ATF2: variants seen among roughly 807,000 people sequenced by gnomAD.
ATF2 encodes the protein cyclic AMP-dependent transcription factor ATF-2.
Under a neutral mutation model 60.6 loss-of-function variants are expected in ATF2, and 24 were observed. The ratio of observed to expected loss-of-function variants is 0.40; its 90% CI spans 0.29 to 0.56. The LOEUF is 0.56. Among genes scored for constraint, ATF2 ranks in the 20% least tolerant of loss-of-function variants. ATF2 has a pLI of 0.54. For synonymous variants in ATF2, 206 were observed against 215.4 expected, an observed-to-expected ratio of 0.96 and a Z score of 0.38; for missense variants, 433 against 607.7, an observed-to-expected ratio of 0.71 and a Z score of 3.02.
At chr2:175,146,126 C>A (rs912947288) in intron 2 of ATF2, among the ~76,000 whole-genome samples, 1 of 151,954 alleles carries the variant, frequency 6.6e-6, no homozygotes, top group African/African-American at 2.4e-5. Context: ...AATAGTCATG[C>A]CAAAGATATA....
At chr2:175,125,442 A>G (rs1697264529) in intron 4 of ATF2, among the ~76,000 whole-genome samples, 1 of 152,070 alleles carries the variant, frequency 6.6e-6, no homozygotes, top group Non-Finnish European at 1.5e-5. Flanking sequence ...ACTCAGGATC[A>G]AATGTTTAAT....
At chr2:175,120,228 T>G (rs1007418600) in intron 5 of ATF2, among the ~76,000 whole-genome samples, 1 of 151,496 alleles carries the variant, frequency 6.6e-6, no homozygotes. Context: ...GAGTGAACTT[T>G]CGAGGTTGTT....
At chr2:175,130,070 C>A in intron 4 of ATF2, 68 bp downstream of exon 4, 2 of 1,134,888 alleles carry the variant, frequency 1.8e-6, no homozygotes, top group Admixed American at 2.3e-5. Context: ...TTAGTGATAA[C>A]ATATTATATC....
At chr2:175,140,896 C>G (rs1484407805) in intron 2 of ATF2, among the ~76,000 whole-genome samples, 3 of 144,616 alleles carry the variant, frequency 2.1e-5, no homozygotes, top group African/African-American at 7.6e-5. Context: ...GCTCAGGAGG[C>G]TGAGGCAGGA....
chr2:175,161,828 T>C (rs150040741), intron 1 of ATF2, among the ~76,000 whole-genome samples: 1,838 of 152,182 alleles, frequency 0.012, 69 homozygotes, highest in East Asian at 0.1. Context: ...TGGCGTGATC[T>C]TGGCTCACTG....
At chr2:175,117,243 C>A (rs2105701778) in intron 7 of ATF2, among the ~76,000 whole-genome samples, 1 of 149,830 alleles carries the variant, frequency 6.7e-6, no homozygotes, top group Middle Eastern at 3.5e-3. Context: ...GAAAAAAAAA[C>A]AGAAAACAAA....
At chr2:175,167,593 G>T in intron 1 of ATF2, 1 of 474,788 alleles carries the variant, frequency 2.1e-6, no homozygotes, top group Non-Finnish European at 4.4e-6. Context: ...AATACTGGGT[G>T]GGGAGACCAG....
rs150440606 is a variant in ATF2 at position 175,141,084 on chromosome 2, T to TACACAC, written c.-43-4604_-43-4599dup. 3.0e-4 allele frequency among the ~76,000 whole-genome samples: 40 copies of TACACAC among 133,612 alleles called. 2 individuals are homozygous for TACACAC. Among genetic ancestry groups the TACACAC allele is most frequent in the African/African-American group, 8.6e-4 (31 of 35,922 alleles). 87.7% of individuals were successfully genotyped at this position (133,612 alleles called of 152,430 possible). On this transcript the variant is annotated intron_variant, in intron 2 of 13. Coordinates refer to ENST00000264110, the MANE Select transcript of ATF2 (RefSeq NM_001880.4). ...ATATATGTGTGTGTATATATATGTA[T>TACACAC]ACACACACACACACACAAATATCCT...
intron 1 of ATF2, among the ~76,000 whole-genome samples, chr2:175,157,933 A>T (rs954425661): frequency 6.6e-6 from 1 of 151,960 alleles, no homozygotes; most frequent in South Asian, 2.1e-4. Context: ...CAGAGGTTGC[A>T]GTGAGCCGAG....
chr2:175,114,377 T>A, intron 8 of ATF2: 1 of 1,252,934 alleles, frequency 8.0e-7, no homozygotes, highest in Non-Finnish European at 1.0e-6. Flanking sequence ...AGAGAGCTCT[T>A]GGGAGCTACC....
intron 10 of ATF2, among the ~76,000 whole-genome samples, chr2:175,107,299 G>C (rs1012927620): frequency 2.0e-5 from 3 of 152,146 alleles, no homozygotes; most frequent in African/African-American, 7.2e-5. Context: ...AAGAATGTGG[G>C]AACAACTGGA....
chr2:175,143,642 CACAA>C (rs1559110925), intron 2 of ATF2, among the ~76,000 whole-genome samples: 3 of 152,182 alleles, frequency 2.0e-5, no homozygotes, highest in East Asian at 1.9e-4. Context: ...TTAATACCAA[CACAA>C]ACAGTGGATA....
At chr2:175,109,290 A>C (rs778441408) in intron 10 of ATF2, among the ~76,000 whole-genome samples, 3 of 152,068 alleles carry the variant, frequency 2.0e-5, no homozygotes, top group Non-Finnish European at 4.4e-5. Flanking sequence ...TGGTATATTC[A>C]CACAATGGAA....
At chr2:175,082,377 T>C (rs1194063077) in intron 12 of ATF2, among the ~76,000 whole-genome samples, 1 of 152,150 alleles carries the variant, frequency 6.6e-6, no homozygotes, top group East Asian at 1.9e-4. Context: ...TAAGCTGTCA[T>C]TTAGGAAACA....
intron 12 of ATF2, among the ~76,000 whole-genome samples, chr2:175,085,404 G>A (rs1002163809): frequency 7.2e-5 from 11 of 152,024 alleles, no homozygotes; most frequent in African/African-American, 2.7e-4. Flanking sequence ...GTCTGGTGGC[G>A]CATGCCTGTA....
At chr2:175,147,109 A>G (rs550480530) in intron 2 of ATF2, among the ~76,000 whole-genome samples, 1 of 152,328 alleles carries the variant, frequency 6.6e-6, no homozygotes, top group African/African-American at 2.4e-5. Flanking sequence ...TACAAATCAG[A>G]AGACTCAAAG....
chr2:175,094,653 A>C (rs1272269241), intron 11 of ATF2, among the ~76,000 whole-genome samples: 1 of 152,200 alleles, frequency 6.6e-6, no homozygotes, highest in African/African-American at 2.4e-5. Flanking sequence ...ACTATTTTTC[A>C]CTCTAACAAA....
intron 11 of ATF2, among the ~76,000 whole-genome samples, chr2:175,094,596 C>A (rs915855093): frequency 6.6e-6 from 1 of 151,980 alleles, no homozygotes; most frequent in Non-Finnish European, 1.5e-5. Flanking sequence ...CTATGTAATA[C>A]AAGTCTTATA....
At position 175,116,607 on chromosome 2, in the gene ATF2, A is replaced by C. The variant is rs536813814; in HGVS notation, c.447+1383T>G. On this transcript the variant is annotated intron_variant, in intron 7 of 13. Transcript: ENST00000264110. ...TATTAAAGTTATGGGCCTGGATGAG[A>C]TCACCTAGGAAGAAAATCAAGAAAG... Among the ~76,000 whole-genome samples, 5 of 151,980 alleles carry C rather than the reference A, an allele frequency of 3.3e-5. No homozygotes were observed. The South Asian group carries it at 1.0e-3, about 32-fold the overall frequency.
Sources: allele counts gnomAD v4.1 joint callset (sites outside exome capture counted in the v4.1 genomes callset), GRCh38; gene constraint gnomAD v4.1.1; transcripts MANE v1.5; gene names NCBI Gene and HGNC (gene_info 2026-07-23, HGNC 2026-07-21).